The following ATXN7 variants were observed in gnomAD, a reference collection of about 807,000 sequenced individuals.
The protein encoded by ATXN7 is ataxin-7.
A neutral mutation model predicts 70.5 loss-of-function variants in ATXN7; 12 were observed. The ratio of observed to expected loss-of-function variants is 0.17; its 90% confidence interval spans 0.11 to 0.28. The LOEUF (loss-of-function observed/expected upper bound fraction) is 0.28, where lower values mean the gene tolerates loss of function less well. Ranked by LOEUF, ATXN7 falls within the 10% of genes least tolerant of loss-of-function variation. The pLI is 1.00. For synonymous variants in ATXN7, 498 were observed against 448.7 expected (o/e 1.11, Z -1.39); for missense variants, 1,256 against 1,131.7 (o/e 1.11, Z -1.58).
intron 5 of ATXN7, chr3:63,967,778 A>T: frequency 6.8e-7 from 1 of 1,466,830 alleles, no homozygotes; most frequent in Non-Finnish European, 9.0e-7. Flanking sequence ...TTTGTAATTC[A>T]AGTGCTTTTT....
intron 2 of ATXN7, among the ~76,000 whole-genome samples, chr3:63,910,103 G>C (rs977212395): frequency 6.6e-6 from 1 of 152,224 alleles, no homozygotes; most frequent in Non-Finnish European, 1.5e-5. Context: ...GAAAAAAAGA[G>C]GTATCAAGCA....
At chr3:63,992,181 A>C (rs1204089449) in intron 11 of ATXN7, among the ~76,000 whole-genome samples, 1 of 152,168 alleles carries the variant, frequency 6.6e-6, no homozygotes, top group African/African-American at 2.4e-5. Flanking sequence ...GAGGCCTTGG[A>C]TTGTCTGCAA....
At chr3:63,938,695 G>T (rs2074705497) in intron 4 of ATXN7, among the ~76,000 whole-genome samples, 1 of 152,264 alleles carries the variant, frequency 6.6e-6, no homozygotes, top group African/African-American at 2.4e-5. Context: ...TATGGAATGA[G>T]TGGAAAAGTG....
At chr3:63,983,059 T>G (rs1212734847) in intron 8 of ATXN7, 38 bp downstream of exon 8, 2 of 1,507,348 alleles carry the variant, frequency 1.3e-6, no homozygotes, top group Non-Finnish European at 1.8e-6. Context: ...ACCATCCTGA[T>G]AAACATGGGT....
At chr3:63,997,484 T>C (rs1441375610) in intron 12 of ATXN7, 7 of 684,426 alleles carry the variant, frequency 1.0e-5, no homozygotes, top group African/African-American at 5.4e-5. Flanking sequence ...TAATTAACCA[T>C]GACTTTCTCT....
At chr3:63,913,514 C>G (rs1214842627) in intron 4 of ATXN7, among the ~76,000 whole-genome samples, 1 of 152,216 alleles carries the variant, frequency 6.6e-6, no homozygotes, top group Non-Finnish European at 1.5e-5. Flanking sequence ...CATTTCTGAC[C>G]TCCTTACGGA....
chr3:63,922,287 C>T (rs1274789022), intron 4 of ATXN7, among the ~76,000 whole-genome samples: 1 of 152,146 alleles, frequency 6.6e-6, no homozygotes, highest in African/African-American at 2.4e-5. Context: ...AGAAATCCTC[C>T]CACCTCAGCC....
At chr3:63,923,577 C>T (rs1704584955) in intron 4 of ATXN7, among the ~76,000 whole-genome samples, 1 of 151,974 alleles carries the variant, frequency 6.6e-6, no homozygotes, top group Non-Finnish European at 1.5e-5. Flanking sequence ...GAGACTGAGG[C>T]GGGAGGATCA....
intron 11 of ATXN7, among the ~76,000 whole-genome samples, chr3:63,994,596 G>A (rs2075726036): frequency 6.6e-6 from 1 of 152,186 alleles, no homozygotes. Flanking sequence ...ATTAATAACA[G>A]TAGTCTTTAA....
chr3:63,993,506 T>A (rs935445490), intron 11 of ATXN7, among the ~76,000 whole-genome samples: 17 of 151,906 alleles, frequency 1.1e-4, no homozygotes, highest in African/African-American at 4.1e-4. Context: ...AACCGAGTCC[T>A]CCTGTCTCCT....
rs767725471 is a variant in ATXN7 at position 63,912,940 on chromosome 3, T to A, written c.325+17T>A. The A allele has an allele frequency of 6.3e-7, 1 of 1,592,302 alleles. No individual in the cohort carries two copies. The highest frequency in any genetic ancestry group is 2.3e-5 in the East Asian group (1 of 43,674). On this transcript the variant is annotated intron_variant, in intron 3 of 12. Transcript: ENST00000674280. The stretch of plus-strand genomic sequence containing the variant: ...GGAAGGACGGTGAGTGTCCACGCCC[T>A]CCTCCCCCCTTCACCCCCTCGCGAC...
At chr3:63,945,149 C>G (rs1006978483) in intron 4 of ATXN7, among the ~76,000 whole-genome samples, 1 of 152,206 alleles carries the variant, frequency 6.6e-6, no homozygotes, top group Non-Finnish European at 1.5e-5. Context: ...TAGTACTAAG[C>G]GCTCTCCATG....
chr3:64,002,901 G>C lies in ATXN7; in HGVS notation c.*3434G>C, dbSNP rs2075849721. 6.6e-6 allele frequency: 1 copy of C among 151,904 alleles called. No individual in the cohort carries two copies. Among genetic ancestry groups the C allele is most frequent in the Admixed American group, 6.6e-5 (1 of 15,242 alleles). 9.4% of individuals were successfully genotyped at this position (151,904 alleles called of 1,614,324 possible). A position where few individuals can be genotyped will look rare whatever the true frequency, so the allele number is the denominator to read the frequency against. ...CAATTTAAAATATTTAAAATATTTT[G>C]TATTCCAAAAATATAATACAAAGAA... On this transcript the variant is annotated 3_prime_UTR_variant, in exon 13 of 13. Transcript: ENST00000674280.
At chr3:63,996,652 C>T (rs2075766113) in intron 12 of ATXN7, 169 bp downstream of exon 12, 6 of 860,098 alleles carry the variant, frequency 7.0e-6, no homozygotes, top group East Asian at 2.7e-5. Context: ...GGTTCACGGC[C>T]GTATGAAGGT....
intron 5 of ATXN7, among the ~76,000 whole-genome samples, chr3:63,975,581 T>C (rs570891059): frequency 9.2e-5 from 14 of 152,348 alleles, no homozygotes; most frequent in Non-Finnish European, 2.1e-4. Context: ...TTTTAGTTGT[T>C]TTCAAAGCAA....
At chr3:63,941,138 C>T (rs1035799365) in intron 4 of ATXN7, among the ~76,000 whole-genome samples, 1 of 152,120 alleles carries the variant, frequency 6.6e-6, no homozygotes, top group Non-Finnish European at 1.5e-5. Flanking sequence ...GTAACTCTTA[C>T]CTGTTAGGGG....
At chr3:63,892,206 C>T (rs1703289484) in intron 1 of ATXN7, among the ~76,000 whole-genome samples, 1 of 152,096 alleles carries the variant, frequency 6.6e-6, no homozygotes, top group Non-Finnish European at 1.5e-5. Context: ...AGGGACCATG[C>T]TAGACTAGCA....
At chr3:63,983,579 C>G (rs1236247534) in intron 8 of ATXN7, among the ~76,000 whole-genome samples, 1 of 151,796 alleles carries the variant, frequency 6.6e-6, no homozygotes, top group African/African-American at 2.4e-5. Flanking sequence ...GAGTTTGAGT[C>G]CAGCCTGGAG....
intron 4 of ATXN7, among the ~76,000 whole-genome samples, chr3:63,941,706 A>G (rs556439385): frequency 3.7e-4 from 57 of 152,020 alleles, no homozygotes; most frequent in Non-Finnish European, 7.1e-4. Context: ...TAGCTTGCTG[A>G]TTGGTCTCTC....
Sources: gnomAD v4.1 joint callset for allele counts (sites outside exome capture counted in the v4.1 genomes callset) on GRCh38, gnomAD v4.1.1 for gene constraint, MANE v1.5 for transcripts, NCBI Gene and HGNC (gene_info 2026-07-23, HGNC 2026-07-21) for gene names.